Variants in DDC observed in about 807,000 individuals in gnomAD.
The protein encoded by DDC is aromatic-L-amino-acid decarboxylase.
In DDC, 43 loss-of-function variants were observed where a neutral mutation model predicts 60.0. The ratio of observed to expected loss-of-function variants is 0.72; its 90% CI spans 0.56 to 0.92. DDC has a LOEUF of 0.92. Among genes scored for constraint, DDC ranks in the 40% least tolerant of loss-of-function variants. The probability of loss-of-function intolerance (pLI) is 0.00; values close to 1 mark genes in which losing one functional copy is unlikely to be tolerated. For synonymous variants in DDC, 232 were observed against 234.6 expected, an observed-to-expected ratio of 0.99 and a Z score of 0.10; for missense variants, 573 against 620.2, an observed-to-expected ratio of 0.92 and a Z score of 0.81.
intron 9 of DDC, among the ~76,000 whole-genome samples, chr7:50,491,888 G>A (rs2043005311): frequency 6.6e-6 from 1 of 152,116 alleles, no homozygotes; most frequent in Non-Finnish European, 1.5e-5. Flanking sequence ...AAGGCACAAA[G>A]CACACCCTGT....
intron 3 of DDC, among the ~76,000 whole-genome samples, chr7:50,538,410 C>T (rs929736919): frequency 7.2e-5 from 11 of 152,156 alleles, no homozygotes; most frequent in African/African-American, 2.7e-4. Flanking sequence ...GAACTCTCCC[C>T]TCTCTCTGAA....
intron 11 of DDC, among the ~76,000 whole-genome samples, chr7:50,471,113 C>T (rs561346156): frequency 3.7e-4 from 56 of 152,234 alleles, no homozygotes; most frequent in African/African-American, 1.2e-3. Context: ...GGGTGAAGGC[C>T]GGATGCGGTG....
intron 6 of DDC, among the ~76,000 whole-genome samples, chr7:50,518,870 A>T (rs1446694103): frequency 6.6e-6 from 1 of 152,258 alleles, no homozygotes; most frequent in Non-Finnish European, 1.5e-5. Flanking sequence ...AAATGCAATA[A>T]AAACAGAGAT....
chr7:50,492,697 C>CAT, intron 9 of DDC: 1 of 530,560 alleles, frequency 1.9e-6, no homozygotes, highest in Non-Finnish European at 2.5e-6. Flanking sequence ...TTCCAAATGG[C>CAT]CTTTTCCAAA....
chr7:50,469,266 A>ATTT (rs1444255053), intron 12 of DDC, among the ~76,000 whole-genome samples: 1 of 149,502 alleles, frequency 6.7e-6, no homozygotes, highest in African/African-American at 2.5e-5. Flanking sequence ...AAAAAAAAAA[A>ATTT]AAAAAAAAAA....
At chr7:50,463,950 C>G (rs11575540) in intron 13 of DDC, among the ~76,000 whole-genome samples, 7,930 of 152,118 alleles carry the variant, frequency 0.052, 475 homozygotes, top group African/African-American at 0.15. Context: ...CTGGGGTAGG[C>G]GCAGAGGCCC....
intron 4 of DDC, among the ~76,000 whole-genome samples, chr7:50,534,524 G>C (rs1279959534): frequency 6.6e-6 from 1 of 152,130 alleles, no homozygotes; most frequent in African/African-American, 2.4e-5. Context: ...CTTGAACCGG[G>C]AGGCAGTGGT....
At chr7:50,560,301 G>A (rs1412420169) in intron 1 of DDC, among the ~76,000 whole-genome samples, 1 of 152,288 alleles carries the variant, frequency 6.6e-6, no homozygotes, top group Non-Finnish European at 1.5e-5. Flanking sequence ...AAGCTTGTGG[G>A]AAGAACCCAT....
At chr7:50,488,606 T>A (rs543030051) in intron 9 of DDC, among the ~76,000 whole-genome samples, 1 of 151,194 alleles carries the variant, frequency 6.6e-6, no homozygotes, top group South Asian at 2.1e-4. Flanking sequence ...ATAATAAGGT[T>A]TATAAAAAGA....
chr7:50,507,004 T>C (rs901816671), intron 6 of DDC, among the ~76,000 whole-genome samples: 9 of 152,264 alleles, frequency 5.9e-5, no homozygotes, highest in South Asian at 4.1e-4. Flanking sequence ...TAATTGAATG[T>C]TAAAGCACTT....
intron 9 of DDC, chr7:50,492,828 G>A (rs1426973281): frequency 6.6e-7 from 1 of 1,524,502 alleles, no homozygotes; most frequent in Non-Finnish European, 8.8e-7. Context: ...GAGTTGTCCG[G>A]GAGAGATGAG....
At position 50,484,842 on chromosome 7, in the gene DDC, C is replaced by A. The variant is rs560730790; in HGVS notation, c.945-4979G>T. On this transcript the variant is annotated intron_variant, in intron 9 of 14. Coordinates refer to ENST00000444124, the MANE Select transcript of DDC (RefSeq NM_001082971.2). ...CCTTACGTTTTCTTTTTTAAAAAAT[C>A]TACAACACTACATAGTGCTCACTGA... Among the ~76,000 whole-genome samples the A allele has an allele frequency of 2.6e-5, 4 of 152,284 alleles. No individual in the cohort carries two copies. In the East Asian group the frequency reaches 7.7e-4, roughly 29 times the overall value.
At chr7:50,542,499 C>G (rs535326363) in intron 2 of DDC, 1 of 152,252 alleles carries the variant, frequency 6.6e-6, no homozygotes, top group African/African-American at 2.4e-5. Flanking sequence ...GCTCACGGCT[C>G]GAGAGCTCAC....
intron 4 of DDC, among the ~76,000 whole-genome samples, chr7:50,530,765 T>G (rs73123249): frequency 0.089 from 13,548 of 152,170 alleles, 955 homozygotes; most frequent in South Asian, 0.14. Flanking sequence ...TGAAAGGACA[T>G]TAGAAAGGGC....
intron 3 of DDC, chr7:50,539,089 T>C (rs2044516391): frequency 6.6e-6 from 1 of 152,356 alleles, no homozygotes; most frequent in South Asian, 2.1e-4. Flanking sequence ...AAATTCCTAA[T>C]TGACAGCTCC....
intron 6 of DDC, among the ~76,000 whole-genome samples, chr7:50,526,670 C>T (rs1279381857): frequency 6.6e-6 from 1 of 152,162 alleles, no homozygotes; most frequent in East Asian, 1.9e-4. Context: ...AATCGTCACA[C>T]TGGATTTTAA....
chr7:50,488,367 G>A lies in DDC; in HGVS notation c.944+6983C>T, dbSNP rs57070477. Among the ~76,000 whole-genome samples, 967 of 151,864 alleles carry A rather than the reference G, an allele frequency of 6.4e-3. 15 individuals carry two copies. The highest frequency in any genetic ancestry group is 0.022 in the African/African-American group (918 of 41,490). On this transcript the variant is annotated intron_variant, in intron 9 of 14. Transcript: ENST00000444124. The stretch of plus-strand genomic sequence containing the variant: ...CTAATTCAAAGATTACTTAAAGGTC[G>A]TTTCTAAAACAAGGTAAAAGGAAAC...
chr7:50,497,448 G>C (rs1029823612), intron 8 of DDC, among the ~76,000 whole-genome samples: 1 of 152,192 alleles, frequency 6.6e-6, no homozygotes, highest in African/African-American at 2.4e-5. Flanking sequence ...AGTTAGAAAA[G>C]AGCATCAAGC....
intron 9 of DDC, among the ~76,000 whole-genome samples, chr7:50,490,779 A>C (rs530982047): frequency 1.3e-5 from 2 of 152,366 alleles, no homozygotes; most frequent in Non-Finnish European, 1.5e-5. Flanking sequence ...ACAACAACAA[A>C]AAGAGCGAGA....
Sources: gnomAD v4.1 joint callset for allele counts (sites outside exome capture counted in the v4.1 genomes callset) on GRCh38, gnomAD v4.1.1 for gene constraint, MANE v1.5 for transcripts, NCBI Gene and HGNC (gene_info 2026-07-23, HGNC 2026-07-21) for gene names.